The following ZNF562 variants were observed in gnomAD, a reference collection of about 807,000 sequenced individuals.
The protein encoded by ZNF562 is zinc finger protein 562.
Under a neutral mutation model 17.5 loss-of-function variants are expected in ZNF562, and 13 were observed. That is an observed-to-expected ratio of 0.74 (90% CI 0.48 to 1.18). The LOEUF is 1.18. Among genes scored for constraint, ZNF562 ranks in the 50% most tolerant of loss-of-function variants. ZNF562 has a pLI of 0.00. For missense variants in ZNF562, 481 were observed against 498.5 expected (o/e 0.96, Z 0.33); for synonymous variants, 163 against 165.4 (o/e 0.99, Z 0.11).
intron 3 of ZNF562, 38 bp from the exon 4 acceptor site, chr19:9,658,173 C>A: frequency 6.3e-7 from 1 of 1,593,950 alleles, no homozygotes; most frequent in South Asian, 1.1e-5. Context: ...AGCCAATGAA[C>A]ACTTCCACCA....
chr19:9,654,187 TG>T (rs2043374367), intron 5 of ZNF562, among the ~76,000 whole-genome samples: 1 of 152,098 alleles, frequency 6.6e-6, no homozygotes, highest in African/African-American at 2.4e-5. Context: ...ACATGGGTTT[TG>T]CCAAGTTGCC....
At position 9,647,914 on chromosome 19, in the gene ZNF562, G is replaced by A. The variant is rs1490363384; in HGVS notation, c.*5035C>T. 6.6e-6 allele frequency: 1 copy of A among 152,056 alleles called. No individual in the cohort carries two copies. The highest frequency in any genetic ancestry group is 1.9e-4 in the East Asian group (1 of 5,200). The allele number at this position is 152,056 out of a possible 1,614,324, so 9.4% of individuals were successfully genotyped here. ...CAAACCAAAAAAATGAAAATATCTTGTAGTATTTTTAAATAGAGATGTGGT... is the reference window on the plus strand; with the variant it reads ...CAAACCAAAAAAATGAAAATATCTTATAGTATTTTTAAATAGAGATGTGGT... On this transcript the variant is annotated 3_prime_UTR_variant, in exon 6 of 6. Coordinates refer to ENST00000453372, the MANE Select transcript of ZNF562 (RefSeq NM_001130031.2).
rs572219041 is a variant in ZNF562 at position 9,653,349 on chromosome 19, C to G, written c.881G>C (p.Gly294Ala). 2 of 1,613,980 alleles carry G rather than the reference C, an allele frequency of 1.2e-6. No homozygotes were observed. The highest frequency in any genetic ancestry group is 2.2e-5 in the South Asian group (2 of 91,034). The part of the protein sequence containing the change: ...GEKSFECKEC[G>A]RSFRNSSSFN... Reference sequence around the variant, plus strand: ...GGATGAGGAATTTCTAAAGGATCTTCCACATTCTTTACATTCAAAGGACTT... The same window carrying G: ...GGATGAGGAATTTCTAAAGGATCTTGCACATTCTTTACATTCAAAGGACTT... The change falls in exon 6 of 6, where the codon GGA (glycine) becomes GCA (alanine). Residue 294 changes from glycine (G) to alanine (A), a missense_variant. Transcript: ENST00000453372.
rs2074915305 is a variant in ZNF562, at chr19:9,653,666, A to G, written c.564T>C (p.Thr188=). 2 of 1,614,098 alleles carry G rather than the reference A, an allele frequency of 1.2e-6. No individual in the cohort carries two copies. Among genetic ancestry groups the G allele is most frequent in the East Asian group, 2.2e-5 (1 of 44,870 alleles). The change falls in exon 6 of 6, where the codon ACT becomes ACC. Residue 188 remains threonine (T), a synonymous_variant. Coordinates refer to ENST00000453372, the MANE Select transcript of ZNF562 (RefSeq NM_001130031.2). ...TTTCAAGATGCACAGCAAGGCCTGG[A>G]GTTAAGGTGAAGACTTTTCCACATG... The part of the protein sequence containing the change: ...FNPCGKVFTL[T]PGLAVHLEIL...
At position 9,642,477 on chromosome 19, in the gene ZNF562, A is replaced by G. The variant is rs553144341; in HGVS notation, c.*10472T>C. On this transcript the variant is annotated 3_prime_UTR_variant, in exon 6 of 6. Transcript: ENST00000453372. ...TATTTTGTAGAGAAGAGATCTCTCT[A>G]TGTTGCCTAGGCTGCCCTCAAACTC... 1.3e-5 allele frequency: 2 copies of G among 151,938 alleles called. No homozygotes were observed. The highest frequency in any genetic ancestry group is 2.4e-5 in the African/African-American group (1 of 41,358). The allele number at this position is 151,938 out of a possible 1,614,324, so 9.4% of individuals were successfully genotyped here. A position where few individuals can be genotyped will look rare whatever the true frequency, so the allele number is the denominator to read the frequency against.
At chr19:9,674,054 G>A (rs1028690038) in intron 1 of ZNF562, among the ~76,000 whole-genome samples, 1 of 152,240 alleles carries the variant, frequency 6.6e-6, no homozygotes, top group Non-Finnish European at 1.5e-5. Context: ...ACCAGGACAA[G>A]GGAGGGGAAG....
rs944754196 is a variant in ZNF562, at chr19:9,650,417, C to A, written c.*2532G>T. Reference sequence around the variant, plus strand: ...ATATATATACACATACACACACACACACACACACACACAGTGACCCCCCAA... The same window carrying A: ...ATATATATACACATACACACACACAAACACACACACACAGTGACCCCCCAA... On this transcript the variant is annotated 3_prime_UTR_variant, in exon 6 of 6. Transcript: ENST00000453372. 7.0e-6 allele frequency: 1 copy of A among 142,810 alleles called. No individual in the cohort carries two copies. Among genetic ancestry groups the A allele is most frequent in the Non-Finnish European group, 1.5e-5 (1 of 67,660 alleles). The allele number at this position is 142,810 out of a possible 1,614,324, so 8.8% of individuals were successfully genotyped here.
At chr19:9,669,660 C>A (rs964265910) in intron 1 of ZNF562, among the ~76,000 whole-genome samples, 3 of 151,328 alleles carry the variant, frequency 2.0e-5, no homozygotes, top group African/African-American at 7.3e-5. Context: ...TCTGTACACA[C>A]ATGCACGCAC....
At position 9,658,038 on chromosome 19, in the gene ZNF562, A is replaced by C. The variant is rs751497157; in HGVS notation, c.212T>G (p.Leu71Arg). Residue 71 changes from leucine to arginine, a missense_variant, in exon 4 of 6, where the codon CTG (leucine) becomes CGG (arginine). By Grantham distance (102) the Leu-to-Arg change is moderately radical (BLOSUM62 -2). Around this residue, in one of 2 missense-constraint regions of ZNF562, gnomAD observed 403 missense variants for 386.4 expected, o/e 1.04. Transcript: ENST00000453372. ...AGAGGCCAGGTTCATGTAGTTCTCC[A>C]GCATCACATCTCTGTAGAGGTATTT... ...TQKYLYRDVM[L>R]ENYMNLASVD... is the part of the protein sequence containing the mutation. The C allele has an allele frequency of 6.2e-7, 1 of 1,613,460 alleles. No homozygotes were observed. The highest frequency in any genetic ancestry group is 8.5e-7 in the Non-Finnish European group (1 of 1,179,628).
intron 1 of ZNF562, among the ~76,000 whole-genome samples, chr19:9,669,719 C>CGT (rs1568281604): frequency 4.4e-5 from 4 of 90,062 alleles, no homozygotes; most frequent in South Asian, 3.8e-4. Flanking sequence ...CGCGCGCGAG[C>CGT]GCGCGCGCGC....
chr19:9,670,992 C>T (rs1599326791), intron 1 of ZNF562, among the ~76,000 whole-genome samples: 2 of 138,716 alleles, frequency 1.4e-5, no homozygotes, highest in East Asian at 2.1e-4. Flanking sequence ...GGTGAGACTC[C>T]ATCTCCCAAA....
Position 9,652,263 on chromosome 19 carries a change from G to A in ZNF562, c.*686C>T, listed in dbSNP as rs1016556277. On this transcript the variant is annotated 3_prime_UTR_variant, in exon 6 of 6. Coordinates refer to ENST00000453372, the MANE Select transcript of ZNF562 (RefSeq NM_001130031.2). ...TCACACTTCTTATTTTACAAGAAGG[G>A]GACATAGAAATAATCAGCTGTGAAA... 2 of 152,208 alleles carry A rather than the reference G, an allele frequency of 1.3e-5. No individual in the cohort carries two copies. Among genetic ancestry groups the A allele is most frequent in the Non-Finnish European group, 2.9e-5 (2 of 68,044 alleles). 9.4% of individuals were successfully genotyped at this position (152,208 alleles called of 1,614,324 possible).
Position 9,648,453 on chromosome 19 carries a change from T to C in ZNF562, c.*4496A>G, listed in dbSNP as rs530070335. 3.9e-5 allele frequency: 6 copies of C among 152,062 alleles called. No individual in the cohort carries two copies. Among genetic ancestry groups the C allele is most frequent in the African/African-American group, 1.4e-4 (6 of 41,488 alleles). The allele number at this position is 152,062 out of a possible 1,614,324, so 9.4% of individuals were successfully genotyped here. ...AAGTAGCTGGGATTACAGGTGCACA[T>C]CACCACACCCAGCTAATTTTTGTAT... is the stretch of plus-strand genomic sequence containing the variant. On this transcript the variant is annotated 3_prime_UTR_variant, in exon 6 of 6. Coordinates refer to ENST00000453372, the MANE Select transcript of ZNF562 (RefSeq NM_001130031.2).
At chr19:9,655,278 T>C (rs2043422069) in intron 5 of ZNF562, among the ~76,000 whole-genome samples, 1 of 152,086 alleles carries the variant, frequency 6.6e-6, no homozygotes, top group African/African-American at 2.4e-5. Flanking sequence ...TGTCAGCCAT[T>C]GCACCCAGCC....
chr19:9,669,766 A>G (rs1306059995), intron 1 of ZNF562, among the ~76,000 whole-genome samples: 1 of 151,224 alleles, frequency 6.6e-6, no homozygotes, highest in East Asian at 2.0e-4. Context: ...ACACACACAC[A>G]CACACACACA....
Position 9,652,853 on chromosome 19 carries a change from GC to G in ZNF562, c.*95del. The G allele has an allele frequency of 8.3e-7, 1 of 1,201,750 alleles. No individual in the cohort carries two copies. Among genetic ancestry groups the G allele is most frequent in the Non-Finnish European group, 1.1e-6 (1 of 882,226 alleles). The allele number at this position is 1,201,750 out of a possible 1,614,324, so 74.4% of individuals were successfully genotyped here. A position where few individuals can be genotyped will look rare whatever the true frequency, so the allele number is the denominator to read the frequency against. On this transcript the variant is annotated 3_prime_UTR_variant, in exon 6 of 6. Coordinates refer to ENST00000453372, the MANE Select transcript of ZNF562 (RefSeq NM_001130031.2). ...ACTTAGGCATGAGGAAAGAGCAAAT[GC>G]TTTCCCAAATTCTTTACATACAAAA...
In ZNF562 at chr19:9,649,166, T is replaced by C. The variant is rs1474971218; in HGVS notation, c.*3783A>G. On this transcript the variant is annotated 3_prime_UTR_variant, in exon 6 of 6. Coordinates refer to ENST00000453372, the MANE Select transcript of ZNF562 (RefSeq NM_001130031.2). ...CTAAACATAAATTGTAAAGATTTCA[T>C]GGACACTTATCACTTCCCCAGTCAA... is the stretch of plus-strand genomic sequence containing the variant. 6.6e-6 allele frequency: 1 copy of C among 152,202 alleles called. No homozygotes were observed. Among genetic ancestry groups the C allele is most frequent in the Non-Finnish European group, 1.5e-5 (1 of 68,040 alleles). The allele number at this position is 152,202 out of a possible 1,614,324, so 9.4% of individuals were successfully genotyped here. A position where few individuals can be genotyped will look rare whatever the true frequency, so the allele number is the denominator to read the frequency against.
In ZNF562 at chr19:9,643,529, C is replaced by G. The variant is rs916708222; in HGVS notation, c.*9420G>C. 10 of 151,784 alleles carry G rather than the reference C, an allele frequency of 6.6e-5. No homozygotes were observed. Among genetic ancestry groups the G allele is most frequent in the African/African-American group, 1.9e-4 (8 of 41,358 alleles). The allele number at this position is 151,784 out of a possible 1,614,324, so 9.4% of individuals were successfully genotyped here. On this transcript the variant is annotated 3_prime_UTR_variant, in exon 6 of 6. Coordinates refer to ENST00000453372, the MANE Select transcript of ZNF562 (RefSeq NM_001130031.2). ...GCCACTGGGTTTACTATTTTCTTAT[C>G]AAGCAGTTGGAATTTATTTGCTAAT...
chr19:9,660,795 A>G lies in ZNF562; in HGVS notation c.-51T>C. ...CCTCAATGCTGTCTTTCTTGATGCC[A>G]AGATCGCCTCAGGGCAGCTTATGAA... is the stretch of plus-strand genomic sequence containing the variant. On this transcript the variant is annotated 5_prime_UTR_variant, in exon 2 of 6. Coordinates refer to ENST00000453372, the MANE Select transcript of ZNF562 (RefSeq NM_001130031.2). 1.2e-6 allele frequency: 2 copies of G among 1,606,354 alleles called. No individual in the cohort carries two copies. Among genetic ancestry groups the G allele is most frequent in the Non-Finnish European group, 8.5e-7 (1 of 1,174,648 alleles).
Sources: gnomAD v4.1 joint callset for allele counts (sites outside exome capture counted in the v4.1 genomes callset) on GRCh38, gnomAD v4.1.1 for gene constraint, gnomAD v4.1.1 regional missense constraint, MANE v1.5 for transcripts, NCBI Gene and HGNC (gene_info 2026-07-23, HGNC 2026-07-21) for gene names.